The following PLA2R1 variants were observed in gnomAD, a reference collection of about 807,000 sequenced individuals.
PLA2R1 encodes secretory phospholipase A2 receptor.
A neutral mutation model predicts 195.9 loss-of-function variants in PLA2R1; 158 were observed. The observed-to-expected ratio is 0.81, with a 90% confidence interval of 0.71 to 0.92. The LOEUF is 0.92. Among genes scored for constraint, PLA2R1 ranks in the 40% least tolerant of loss-of-function variants. The pLI is 0.00. For missense variants in PLA2R1, 1,626 were observed against 1,764.6 expected (o/e 0.92, Z 1.41); for synonymous variants, 586 against 598.2 (o/e 0.98, Z 0.30).
At chr2:159,992,825 T>G in intron 11 of PLA2R1, among the ~76,000 whole-genome samples, 1 of 152,264 alleles carries the variant, frequency 6.6e-6, no homozygotes, top group South Asian at 2.1e-4. Flanking sequence ...TTATTTTCTT[T>G]GTCACTTGCA....
At chr2:159,930,615 G>A (rs528027328), downstream of PLA2R1, among the ~76,000 whole-genome samples, 6 of 152,148 alleles carry the variant, frequency 3.9e-5, no homozygotes, top group South Asian at 2.1e-4. Context: ...TGCCAGACAC[G>A]CCTACACGGA....
intron 11 of PLA2R1, among the ~76,000 whole-genome samples, chr2:159,994,893 G>A (rs1385045448): frequency 6.6e-6 from 1 of 151,642 alleles, no homozygotes; most frequent in African/African-American, 2.4e-5. Flanking sequence ...GGGTGGTTCT[G>A]AGTGTTCATG....
chr2:160,058,241 T>C (rs1275318208), intron 1 of PLA2R1, among the ~76,000 whole-genome samples: 1 of 152,136 alleles, frequency 6.6e-6, no homozygotes, highest in African/African-American at 2.4e-5. Flanking sequence ...CATCAGCCCC[T>C]ACCCCTCTTT....
chr2:160,017,353 C>G (rs1692834832), intron 8 of PLA2R1, among the ~76,000 whole-genome samples: 1 of 152,164 alleles, frequency 6.6e-6, no homozygotes, highest in Non-Finnish European at 1.5e-5. Flanking sequence ...GTCTGGGGGT[C>G]ACACTGTGAG....
At position 159,964,061 on chromosome 2, in the gene PLA2R1, C is replaced by T. The variant is rs114064782; in HGVS notation, c.2904+3478G>A. Among the ~76,000 whole-genome samples, 1,351 of 152,234 alleles carry T rather than the reference C, an allele frequency of 8.9e-3. 6 individuals are homozygous for T. Among genetic ancestry groups the T allele is most frequent in the Non-Finnish European group, 0.014 (984 of 68,004 alleles). On this transcript the variant is annotated intron_variant, in intron 20 of 29. Transcript: ENST00000283243. ...GCCCGTGCCACACAGGAATATTATT[C>T]AGCCACAAGAAGGAAGGCAATTTTG...
At chr2:159,995,141 T>G (rs1433053611) in intron 11 of PLA2R1, among the ~76,000 whole-genome samples, 2 of 152,122 alleles carry the variant, frequency 1.3e-5, no homozygotes, top group Non-Finnish European at 2.9e-5. Flanking sequence ...GTAGTGTCTC[T>G]GCAAGCTGCA....
chr2:160,059,444 G>A (rs1695803271), intron 1 of PLA2R1, among the ~76,000 whole-genome samples: 1 of 152,174 alleles, frequency 6.6e-6, no homozygotes, highest in Admixed American at 6.5e-5. Flanking sequence ...GCAGCAAAAG[G>A]ACAACACTTA....
chr2:160,004,606 T>C (rs1046950075), intron 11 of PLA2R1, among the ~76,000 whole-genome samples: 16 of 152,316 alleles, frequency 1.1e-4, no homozygotes, highest in African/African-American at 3.6e-4. Context: ...CTGGGGCCCC[T>C]AAGCCATTTC....
intron 1 of PLA2R1, among the ~76,000 whole-genome samples, chr2:160,048,838 A>ATTTTT (rs1205003993): frequency 7.8e-6 from 1 of 127,834 alleles, no homozygotes; most frequent in African/African-American, 3.1e-5. Flanking sequence ...TAGAAGAAAC[A>ATTTTT]TTTTTTTTTT....
In PLA2R1 at chr2:160,040,659, G is replaced by A. The variant is rs1694469045; in HGVS notation, c.667+1366C>T. 2.0e-5 allele frequency among the ~76,000 whole-genome samples: 3 copies of A among 152,128 alleles called. 1 individual carries two copies. In the South Asian group the frequency reaches 6.2e-4, roughly 32 times the overall value. ...TACAGCCTGCATTTTCTGGCATACA[G>A]CAAACCTGTCTTCTCTCTAGATGCC... On this transcript the variant is annotated intron_variant, in intron 3 of 29. Coordinates refer to ENST00000283243, the MANE Select transcript of PLA2R1 (RefSeq NM_007366.5).
intron 6 of PLA2R1, 33 bp downstream of exon 6, chr2:160,028,185 C>T (rs1313654041): frequency 1.4e-6 from 2 of 1,470,090 alleles, no homozygotes; most frequent in Non-Finnish European, 1.9e-6. Context: ...AAGTCAACAA[C>T]ACCTAAGAAC....
intron 2 of PLA2R1, among the ~76,000 whole-genome samples, chr2:160,043,584 C>T (rs894401378): frequency 2.6e-5 from 4 of 152,138 alleles, no homozygotes; most frequent in African/African-American, 7.2e-5. Context: ...ATTTAGGAAC[C>T]GTAGGTATTT....
intron 23 of PLA2R1, among the ~76,000 whole-genome samples, chr2:159,953,297 CTCT>C (rs1259438386): frequency 6.6e-6 from 1 of 152,206 alleles, no homozygotes; most frequent in African/African-American, 2.4e-5. Context: ...GCCCTTGTGT[CTCT>C]TCTTATTCAG....
At position 160,028,877 on chromosome 2, in the gene PLA2R1, G is replaced by A. The variant is rs1693681051; in HGVS notation, c.928C>T (p.Pro310Ser). ...HAGWQWSDGT[P>S]LNYLNWSPEV... ...GGGCTCCAATTCAGATAGTTGAGCG[G>A]CGTTCCATCAGACCACTGCCAGCCA... The change falls in exon 5 of 30, where the codon CCG becomes TCG. Residue 310 changes from proline (P) to serine (S), a missense_variant. Transcript: ENST00000283243. 6.2e-7 allele frequency: 1 copy of A among 1,612,188 alleles called. No individual in the cohort carries two copies. The highest frequency in any genetic ancestry group is 8.5e-7 in the Non-Finnish European group (1 of 1,178,270).
intron 11 of PLA2R1, 28 bp downstream of exon 11, chr2:160,005,624 G>A: frequency 6.3e-7 from 1 of 1,593,258 alleles, no homozygotes; most frequent in Non-Finnish European, 8.6e-7. Flanking sequence ...AAACAGGGAG[G>A]GTTGGTGATG....
At position 160,035,799 on chromosome 2, in the gene PLA2R1, C is replaced by A. The variant is rs189514454; in HGVS notation, c.668-2667G>T. Among the ~76,000 whole-genome samples, 15 of 152,290 alleles carry A rather than the reference C, an allele frequency of 9.8e-5. No homozygotes were observed. In the East Asian group the frequency reaches 2.7e-3, roughly 27 times the overall value. ...TGTTTCATCCTCTTCTAATTTCCCA[C>A]TTAGTCTCATCCACTGAATCTAGCC... On this transcript the variant is annotated intron_variant, in intron 3 of 29. Coordinates refer to ENST00000283243, the MANE Select transcript of PLA2R1 (RefSeq NM_007366.5).
chr2:160,026,994 G>T lies in PLA2R1; in HGVS notation c.1099+1224C>A, dbSNP rs138176589. ...ATAAAAATACAAAAATTAGCCGGGC[G>T]TGGTGGCAGGTGCCTGTAATCCCAG... On this transcript the variant is annotated intron_variant, in intron 6 of 29. Coordinates refer to ENST00000283243, the MANE Select transcript of PLA2R1 (RefSeq NM_007366.5). Among the ~76,000 whole-genome samples, 317 of 152,278 alleles carry T rather than the reference G, an allele frequency of 2.1e-3. 2 individuals carry two copies. In the Middle Eastern group the frequency reaches 0.054, roughly 26 times the overall value.
chr2:160,029,021 T>G, intron 4 of PLA2R1, 58 bp from the exon 5 acceptor site: 1 of 905,976 alleles, frequency 1.1e-6, no homozygotes, highest in Non-Finnish European at 1.8e-6. Flanking sequence ...ATCTTTCTTG[T>G]TCTCCTATTC....
intron 11 of PLA2R1, among the ~76,000 whole-genome samples, chr2:159,990,508 G>C (rs1690697775): frequency 1.3e-5 from 2 of 152,146 alleles, no homozygotes. Flanking sequence ...AGTGCCTCTA[G>C]ACAATTATTT....
Sources: allele counts gnomAD v4.1 joint callset (sites outside exome capture counted in the v4.1 genomes callset), GRCh38; gene constraint gnomAD v4.1.1; transcripts MANE v1.5; gene names NCBI Gene and HGNC (gene_info 2026-07-23, HGNC 2026-07-21).